The following ZNF638 variants were observed in gnomAD, a reference collection of about 807,000 sequenced individuals.
ZNF638 encodes CTCL tumor antigen se33-1.
In ZNF638, 46 loss-of-function variants were observed where a neutral mutation model predicts 195.6. The observed-to-expected ratio is 0.24, with a 90% CI of 0.19 to 0.30. The LOEUF is 0.30. ZNF638 is among the 10% of genes least tolerant of loss of function. The pLI is 1.00. For synonymous variants in ZNF638, 845 were observed against 772.0 expected (o/e 1.09, Z -1.57); for missense variants, 2,440 against 2,325.3 (o/e 1.05, Z -1.01).
At chr2:71,388,075 T>C (rs1259841390) in intron 10 of ZNF638, among the ~76,000 whole-genome samples, 1 of 152,142 alleles carries the variant, frequency 6.6e-6, no homozygotes, top group South Asian at 2.1e-4. Context: ...AGGTTGATCA[T>C]TTCAGTTAAC....
intron 8 of ZNF638, among the ~76,000 whole-genome samples, chr2:71,371,698 A>T (rs1239169182): frequency 2.8e-5 from 1 of 36,232 alleles, no homozygotes; most frequent in Non-Finnish European, 5.0e-5. Context: ...TTATCAGAGT[A>T]TTAGTTTTTT....
At chr2:71,394,630 G>A (rs1320305422) in intron 10 of ZNF638, among the ~76,000 whole-genome samples, 1 of 152,090 alleles carries the variant, frequency 6.6e-6, no homozygotes, top group East Asian at 1.9e-4. Flanking sequence ...ATACACGATT[G>A]GCAAGGTTCC....
intron 8 of ZNF638, chr2:71,376,386 A>G (rs867966969): frequency 7.9e-6 from 1 of 126,428 alleles, no homozygotes; most frequent in African/African-American, 2.9e-5. Flanking sequence ...TATGTGGACA[A>G]TTGTTTTTGT....
chr2:71,348,745 A>T lies in ZNF638; in HGVS notation c.-202-8A>T. The T allele has an allele frequency of 1.3e-6, 2 of 1,520,014 alleles. No individual in the cohort carries two copies. Among genetic ancestry groups the T allele is most frequent in the Non-Finnish European group, 1.8e-6 (2 of 1,137,112 alleles). The allele number at this position is 1,520,014 out of a possible 1,614,324, so 94.2% of individuals were successfully genotyped here. A position where few individuals can be genotyped will look rare whatever the true frequency, so the allele number is the denominator to read the frequency against. On this transcript the variant is annotated splice_region_variant and splice_polypyrimidine_tract_variant and intron_variant, in intron 1 of 27. Transcript: ENST00000264447. ...AAAATGATCTAATATTTGTGTTTTA[A>T]CTTTCAGCTTTGTGTTATTCTTGGA...
At chr2:71,372,065 C>T (rs1462697234) in intron 8 of ZNF638, among the ~76,000 whole-genome samples, 1 of 152,098 alleles carries the variant, frequency 6.6e-6, no homozygotes, top group Non-Finnish European at 1.5e-5. Context: ...AGTCTTTAAT[C>T]TATTTTTATT....
intron 1 of ZNF638, among the ~76,000 whole-genome samples, chr2:71,333,684 T>G (rs140037780): frequency 6.3e-4 from 96 of 152,336 alleles, no homozygotes; most frequent in African/African-American, 1.9e-3. Context: ...AGTCGGAAGA[T>G]CTGGATTCAC....
chr2:71,431,112 A>C, intron 25 of ZNF638: 1 of 428,342 alleles, frequency 2.3e-6, no homozygotes, highest in South Asian at 3.9e-5. Flanking sequence ...ATTTGCTGTT[A>C]GCTTTAGACC....
intron 8 of ZNF638, among the ~76,000 whole-genome samples, chr2:71,377,049 G>A (rs889657000): frequency 1.3e-5 from 2 of 152,148 alleles, no homozygotes; most frequent in Non-Finnish European, 2.9e-5. Context: ...GAGGCAGGAT[G>A]ATTGCTTGAG....
intron 21 of ZNF638, 62 bp downstream of exon 21, chr2:71,418,701 G>T: frequency 8.8e-7 from 1 of 1,141,996 alleles, no homozygotes. Context: ...TTTTATTGCT[G>T]TATTTTATAG....
chr2:71,343,591 G>A lies in ZNF638; in HGVS notation c.-202-5162G>A, dbSNP rs560947230. 5.3e-5 allele frequency among the ~76,000 whole-genome samples: 8 copies of A among 152,306 alleles called. No individual in the cohort carries two copies. In the South Asian group the frequency reaches 1.5e-3, roughly 28 times the overall value. On this transcript the variant is annotated intron_variant, in intron 1 of 27. Transcript: ENST00000264447. Reference sequence around the variant, plus strand: ...GGCATGTAGCAGTGTAGGAGAGCCAGTAGCTAAAAATTAAATGGAATAGAA... The same window carrying A: ...GGCATGTAGCAGTGTAGGAGAGCCAATAGCTAAAAATTAAATGGAATAGAA...
intron 2 of ZNF638, among the ~76,000 whole-genome samples, chr2:71,351,004 T>A (rs184996623): frequency 2.6e-3 from 397 of 152,340 alleles, no homozygotes; most frequent in Admixed American, 5.0e-3. Context: ...TACTGTTCAG[T>A]CGTAATCATT....
At chr2:71,383,560 GTTTT>G (rs57987492) in intron 10 of ZNF638, among the ~76,000 whole-genome samples, 5 of 122,118 alleles carry the variant, frequency 4.1e-5, no homozygotes, top group Non-Finnish European at 6.6e-5. Context: ...TTCCTGGGTG[GTTTT>G]TTTTTTTTTT....
chr2:71,414,164 G>A (rs1431216569), intron 20 of ZNF638, among the ~76,000 whole-genome samples: 4 of 125,728 alleles, frequency 3.2e-5, no homozygotes, highest in African/African-American at 6.0e-5. Context: ...GCCTGTTATT[G>A]GTCTATTCAG....
chr2:71,408,482 G>A (rs966233485), intron 20 of ZNF638: 8 of 434,678 alleles, frequency 1.8e-5, no homozygotes, highest in African/African-American at 1.6e-4. Context: ...CTGTTGACAT[G>A]TAGGTATCTA....
intron 20 of ZNF638, 101 bp downstream of exon 20, chr2:71,408,348 A>G (rs1310205749): frequency 1.5e-6 from 2 of 1,344,334 alleles, no homozygotes; most frequent in Admixed American, 6.0e-5. Flanking sequence ...TTTAGAGATG[A>G]TTTTTATAAT....
chr2:71,396,790 A>G (rs1209084347), intron 11 of ZNF638, among the ~76,000 whole-genome samples: 2 of 151,802 alleles, frequency 1.3e-5, no homozygotes, highest in African/African-American at 4.8e-5. Context: ...CTGAAAATAC[A>G]AAAAAACTAG....
chr2:71,336,640 G>A (rs2078676081), intron 1 of ZNF638, among the ~76,000 whole-genome samples: 1 of 152,116 alleles, frequency 6.6e-6, no homozygotes, highest in Non-Finnish European at 1.5e-5. Flanking sequence ...TTCCCAATGG[G>A]TACTGTTGTT....
intron 3 of ZNF638, among the ~76,000 whole-genome samples, chr2:71,356,326 G>A (rs777780642): frequency 1.3e-5 from 2 of 152,114 alleles, no homozygotes; most frequent in Non-Finnish European, 2.9e-5. Flanking sequence ...TGGCCATAGA[G>A]GTGAAAAAGT....
rs772014788 is a variant in ZNF638 at position 71,399,665 on chromosome 2, A to G, written c.2587+20A>G. On this transcript the variant is annotated intron_variant, in intron 13 of 27. Coordinates refer to ENST00000264447, the MANE Select transcript of ZNF638 (RefSeq NM_014497.5). ...TACCAGGTAAGCTTGAAATGTGGTC[A>G]TTCAGTGCTTTGTTTTCTTTTCTTT... 6.4e-7 allele frequency: 1 copy of G among 1,574,476 alleles called. No homozygotes were observed. The highest frequency in any genetic ancestry group is 1.7e-4 in the Middle Eastern group (1 of 5,914).
Sources: allele counts gnomAD v4.1 joint callset (sites outside exome capture counted in the v4.1 genomes callset), GRCh38; gene constraint gnomAD v4.1.1; transcripts MANE v1.5; gene names NCBI Gene and HGNC (gene_info 2026-07-23, HGNC 2026-07-21).